The following TNFRSF1B variants were observed in gnomAD, a reference collection of about 807,000 sequenced individuals.
The protein encoded by TNFRSF1B is TNF receptor superfamily member 1B, also known as tumor necrosis factor receptor superfamily member 1B.
In TNFRSF1B, 19 loss-of-function variants were observed where a neutral mutation model predicts 44.6. That is an observed-to-expected ratio of 0.43 (90% CI 0.30 to 0.62). TNFRSF1B has a LOEUF of 0.62. Ranked by LOEUF, TNFRSF1B falls within the 20% of genes least tolerant of loss-of-function variation. The pLI, the probability that TNFRSF1B is intolerant of heterozygous loss-of-function variation, is 0.16. For synonymous variants in TNFRSF1B, 252 were observed against 261.1 expected (o/e 0.97, Z 0.34); for missense variants, 541 against 619.9 (o/e 0.87, Z 1.35).
At chr1:12,201,917 A>G in intron 8 of TNFRSF1B, 50 bp from the exon 9 acceptor site, 8 of 1,530,328 alleles carry the variant, frequency 5.2e-6, no homozygotes, top group Non-Finnish European at 7.1e-6. Flanking sequence ...GGGAAGAAAG[A>G]GCTGGCTGGT....
At chr1:12,201,650 C>T (rs1402551123) in intron 8 of TNFRSF1B, among the ~76,000 whole-genome samples, 1 of 152,140 alleles carries the variant, frequency 6.6e-6, no homozygotes, top group South Asian at 2.1e-4. Flanking sequence ...TTTCCTTCTA[C>T]TCCCTTATGC....
intron 2 of TNFRSF1B, 147 bp downstream of exon 2, chr1:12,189,042 T>G (rs1639052185): frequency 1.5e-6 from 1 of 649,592 alleles, no homozygotes; most frequent in East Asian, 3.1e-5. Flanking sequence ...TCTGGGCCTG[T>G]GAACATGCTG....
rs757616668 is a variant in TNFRSF1B at position 12,191,904 on chromosome 1, C to T, written c.438C>T (p.Gly146=). 1 of 1,609,242 alleles carries T rather than the reference C, an allele frequency of 6.2e-7. No individual in the cohort carries two copies. Among genetic ancestry groups the T allele is most frequent in the Non-Finnish European group, 8.5e-7 (1 of 1,178,420 alleles). ...CGCCGCTGCGCAAGTGCCGCCCGGG[C>T]TTCGGCGTGGCCAGACCAGGTACGG... The part of the protein sequence containing the change: ...LCAPLRKCRP[G]FGVARPGTET... The change falls in exon 4 of 10, where the codon GGC becomes GGT. Residue 146 remains glycine (G), a synonymous_variant. Coordinates refer to ENST00000376259, the MANE Select transcript of TNFRSF1B (RefSeq NM_001066.3).
intron 2 of TNFRSF1B, among the ~76,000 whole-genome samples, chr1:12,190,389 G>T (rs894314491): frequency 2.7e-5 from 4 of 149,618 alleles, no homozygotes; most frequent in Non-Finnish European, 5.9e-5. Context: ...AGCCTGAGAG[G>T]CAGAGGTTGC....
intron 5 of TNFRSF1B, 78 bp downstream of exon 5, chr1:12,192,602 C>T: frequency 7.2e-7 from 1 of 1,385,880 alleles, no homozygotes; most frequent in Admixed American, 1.7e-5. Flanking sequence ...GGACACAGAG[C>T]AGCTCACCAA....
At chr1:12,183,446 TTCTCTCTCTCTCTC>T (rs33995912) in intron 1 of TNFRSF1B, among the ~76,000 whole-genome samples, 2 of 147,248 alleles carry the variant, frequency 1.4e-5, no homozygotes, top group East Asian at 4.0e-4. Flanking sequence ...CTTTTATCTA[TTCTCTCTCTCTCTC>T]TCTCTCTCTC....
Position 12,187,072 on chromosome 1 carries a change from C to T in TNFRSF1B, c.79-1724C>T, listed in dbSNP as rs188562620. Among the ~76,000 whole-genome samples, 6 of 152,032 alleles carry T rather than the reference C, an allele frequency of 3.9e-5. No homozygotes were observed. The highest frequency in any genetic ancestry group is 4.2e-4 in the South Asian group (2 of 4,802). On this transcript the variant is annotated intron_variant, in intron 1 of 9. Coordinates refer to ENST00000376259, the MANE Select transcript of TNFRSF1B (RefSeq NM_001066.3). This position sits in a 1 kb window ranked among gnomAD's most constrained non-coding sequence, Gnocchi z 5.5. ...ACTCCTGGAGGGTCACTCAGAGACC[C>T]GAGAGAGGAGGGCTCTGCGTCTGCT...
At chr1:12,195,178 T>A (rs1029797304) in intron 8 of TNFRSF1B, among the ~76,000 whole-genome samples, 5 of 152,336 alleles carry the variant, frequency 3.3e-5, no homozygotes, top group African/African-American at 1.2e-4. Context: ...TCACCTTTGA[T>A]CTGTTTTATA....
At chr1:12,182,211 G>C (rs1638827509) in intron 1 of TNFRSF1B, among the ~76,000 whole-genome samples, 1 of 152,210 alleles carries the variant, frequency 6.6e-6, no homozygotes, top group East Asian at 1.9e-4. Context: ...GGGACCAGGG[G>C]AGGATTCAGA....
At chr1:12,194,077 T>C in intron 7 of TNFRSF1B, 45 bp downstream of exon 7, 8 of 1,536,274 alleles carry the variant, frequency 5.2e-6, no homozygotes, top group Non-Finnish European at 7.2e-6. Flanking sequence ...TTCAGGAAGC[T>C]TTTGTGGGGT....
At chr1:12,170,968 G>T (rs1213484402) in intron 1 of TNFRSF1B, among the ~76,000 whole-genome samples, 13 of 151,094 alleles carry the variant, frequency 8.6e-5, no homozygotes, top group Non-Finnish European at 1.3e-4. Flanking sequence ...GTGCCACTGT[G>T]CCTGGCCCGT....
rs1639007074 is a variant in TNFRSF1B at position 12,187,215 on chromosome 1, A to G, written c.79-1581A>G. On this transcript the variant is annotated intron_variant, in intron 1 of 9. Transcript: ENST00000376259. This position sits in a 1 kb window ranked among gnomAD's most constrained non-coding sequence, Gnocchi z 5.5. The stretch of plus-strand genomic sequence containing the variant: ...TCAATTAGGCTGGAAGTGCAGTGGC[A>G]TGATCTCAGCTCACTGCAACCTCCT... Among the ~76,000 whole-genome samples, 2 of 149,198 alleles carry G rather than the reference A, an allele frequency of 1.3e-5. No homozygotes were observed. Among genetic ancestry groups the G allele is most frequent in the South Asian group, 2.1e-4 (1 of 4,746 alleles).
Position 12,188,914 on chromosome 1 carries a change from G to A in TNFRSF1B, c.178+19G>A, listed in dbSNP as rs371638252. 4.7e-5 allele frequency: 76 copies of A among 1,608,048 alleles called. No individual in the cohort carries two copies. In the Middle Eastern group the frequency reaches 1.3e-3, roughly 28 times the overall value. ...TCGCCGGGTGAGGGCAGCCACGGGG[G>A]CACTCGGGGCCCATGCCCTGGAGGA... On this transcript the variant is annotated intron_variant, in intron 2 of 9. Transcript: ENST00000376259.
In TNFRSF1B at chr1:12,180,451, C is replaced by G. The variant is rs1401152821; in HGVS notation, c.79-8345C>G. Among the ~76,000 whole-genome samples, 2 of 152,198 alleles carry G rather than the reference C, an allele frequency of 1.3e-5. No homozygotes were observed. Among genetic ancestry groups the G allele is most frequent in the Non-Finnish European group, 2.9e-5 (2 of 68,026 alleles). ...AAGAGAAGGCATTGAGGGCCCCCAC[C>G]TCGGGTACTTGCAGGGCCTTGGCCT... is the stretch of plus-strand genomic sequence containing the variant. On this transcript the variant is annotated intron_variant, in intron 1 of 9. Transcript: ENST00000376259. The surrounding 1 kb of genome is among the most constrained non-coding windows in gnomAD (Gnocchi z 4.3).
chr1:12,174,449 T>C (rs970615026), intron 1 of TNFRSF1B, among the ~76,000 whole-genome samples: 1 of 152,156 alleles, frequency 6.6e-6, no homozygotes, highest in Non-Finnish European at 1.5e-5. Flanking sequence ...GGTTTCACCA[T>C]GTTGGCCAGG....
rs1015882500 is a variant in TNFRSF1B at position 12,178,352 on chromosome 1, G to A, written c.79-10444G>A. Among the ~76,000 whole-genome samples the A allele has an allele frequency of 2.0e-5, 3 of 152,190 alleles. No individual in the cohort carries two copies. Among genetic ancestry groups the A allele is most frequent in the Non-Finnish European group, 2.9e-5 (2 of 68,038 alleles). On this transcript the variant is annotated intron_variant, in intron 1 of 9. Transcript: ENST00000376259. This position sits in a 1 kb window ranked among gnomAD's most constrained non-coding sequence, Gnocchi z 4.3. ...CACTGCCGGGCACGGTGCCAAGCAC[G>A]CCACGTATACTGACTTCATGAATCA...
intron 1 of TNFRSF1B, among the ~76,000 whole-genome samples, chr1:12,170,511 G>A (rs1301000529): frequency 6.6e-6 from 1 of 152,198 alleles, no homozygotes; most frequent in South Asian, 2.1e-4. Flanking sequence ...GTGGCTCCCC[G>A]TAGCACTGTC....
intron 8 of TNFRSF1B, among the ~76,000 whole-genome samples, chr1:12,200,198 A>G (rs535919094): frequency 3.3e-5 from 5 of 152,146 alleles, no homozygotes; most frequent in Non-Finnish European, 5.9e-5. Context: ...GAATCAATAT[A>G]GATATTGTCT....
chr1:12,191,945 C>T (rs2101108032), intron 4 of TNFRSF1B, 22 bp downstream of exon 4: 1 of 1,601,910 alleles, frequency 6.2e-7, no homozygotes, highest in Non-Finnish European at 8.5e-7. Context: ...GGCTCAGGTC[C>T]TTGGGGACGC....
Sources: allele counts gnomAD v4.1 joint callset (sites outside exome capture counted in the v4.1 genomes callset), GRCh38; gene constraint gnomAD v4.1.1; non-coding constraint Gnocchi (gnomAD v3.1); transcripts MANE v1.5; gene names NCBI Gene and HGNC (gene_info 2026-07-23, HGNC 2026-07-21).